NCAPD3: variants seen among roughly 807,000 people sequenced by gnomAD.
NCAPD3 encodes non-SMC condensin II complex subunit D3.
NCAPD3 carries 105 observed loss-of-function variants against 182.9 expected under a neutral mutation model. That is an observed-to-expected ratio of 0.57 (90% confidence interval 0.49 to 0.68). The LOEUF is 0.68. Ranked by LOEUF, NCAPD3 falls within the 30% of genes least tolerant of loss-of-function variation. The pLI is 0.00. For missense variants in NCAPD3, 1,944 were observed against 1,837.0 expected (o/e 1.06, Z -1.07); for synonymous variants, 815 against 679.9 (o/e 1.20, Z -3.09).
Position 134,153,303 on chromosome 11 carries a change from G to C in NCAPD3, c.4313C>G (p.Pro1438Arg). 6.2e-7 allele frequency: 1 copy of C among 1,614,162 alleles called. No individual in the cohort carries two copies. The stretch of plus-strand genomic sequence containing the variant: ...CAAGAACTTGCCTTTGGCTGACGAC[G>C]GAGTCCGTGGTGTCCCGATGTAACT... ...GVSYIGTPRT[P>R]SSAKEKIEGR... Residue 1438 changes from proline to arginine, a missense_variant, in exon 33 of 35, where the codon CCG becomes CGG. Physicochemically the swap from Pro to Arg is moderately radical, Grantham distance 103 (BLOSUM62 -2). This residue lies in a region of NCAPD3 where 1,803 missense variants were observed against 1,674.6 expected (regional missense o/e 1.08). Coordinates refer to ENST00000534548, the MANE Select transcript of NCAPD3 (RefSeq NM_015261.3).
At chr11:134,201,290 G>T (rs1310587586) in intron 13 of NCAPD3, among the ~76,000 whole-genome samples, 1 of 152,094 alleles carries the variant, frequency 6.6e-6, no homozygotes, top group Non-Finnish European at 1.5e-5. Context: ...CTCCCAATGT[G>T]CCAGGATTAC....
intron 1 of NCAPD3, chr11:134,223,202 C>A (rs958705604): frequency 9.1e-6 from 5 of 548,492 alleles, no homozygotes; most frequent in African/African-American, 7.6e-5. Flanking sequence ...AGTCGTTCTG[C>A]AAAAGTGTGG....
rs780113597 is a variant in NCAPD3, at chr11:134,209,366, G to C, written c.679C>G (p.Leu227Val). 1.9e-5 allele frequency: 31 copies of C among 1,613,996 alleles called. No individual in the cohort carries two copies. The South Asian group carries it at 3.0e-4, about 15-fold the overall frequency. Reference protein sequence around the residue: ...FHLLKNFLRLLPKFSLKEKPQ... With the variant: ...FHLLKNFLRLVPKFSLKEKPQ... ...TTTTCTTTCAAGGAAAACTTTGGCAGAAGCCTTAAAAAATTCTTTAAAAGG... is the reference window on the plus strand; with the variant it reads ...TTTTCTTTCAAGGAAAACTTTGGCACAAGCCTTAAAAAATTCTTTAAAAGG... The change falls in exon 5 of 35, where the codon CTG (leucine) becomes GTG (valine). Residue 227 changes from leucine (L) to valine (V), a missense_variant. Leu to Val is a conservative substitution (Grantham distance 32, BLOSUM62 1). Transcript: ENST00000534548.
chr11:134,172,840 G>GT (rs1944045649), intron 24 of NCAPD3, among the ~76,000 whole-genome samples: 1 of 152,048 alleles, frequency 6.6e-6, no homozygotes, highest in Non-Finnish European at 1.5e-5. Flanking sequence ...GAGCAGCATC[G>GT]TGAGAACCTA....
At chr11:134,186,496 A>T (rs1944407750) in intron 16 of NCAPD3, among the ~76,000 whole-genome samples, 2 of 152,196 alleles carry the variant, frequency 1.3e-5, no homozygotes, top group South Asian at 4.1e-4. Flanking sequence ...TATAGTTGTG[A>T]GCCACTGTGC....
chr11:134,184,835 ACACACAC>A, intron 18 of NCAPD3, 61 bp downstream of exon 18: 2 of 1,392,962 alleles, frequency 1.4e-6, no homozygotes, highest in Non-Finnish European at 2.0e-6. Context: ...ACACACACAC[ACACACAC>A]ACACACACCT....
At chr11:134,224,999 A>T (rs964991169), upstream of NCAPD3, 16 of 832,204 alleles carry the variant, frequency 1.9e-5, no homozygotes, top group African/African-American at 2.7e-4. Flanking sequence ...CGGCGGAGCC[A>T]GGCAGCCCCG....
At chr11:134,189,368 C>A (rs376632757) in intron 16 of NCAPD3, among the ~76,000 whole-genome samples, 2 of 152,194 alleles carry the variant, frequency 1.3e-5, no homozygotes, top group African/African-American at 4.8e-5. Flanking sequence ...TTAAATTGAA[C>A]CTTTAGCTCA....
chr11:134,174,332 A>G (rs1403652260), intron 24 of NCAPD3, among the ~76,000 whole-genome samples: 1 of 136,784 alleles, frequency 7.3e-6, no homozygotes, highest in Non-Finnish European at 1.5e-5. Context: ...GCAGGGAGCC[A>G]TGACTGTACC....
chr11:134,160,472 C>A (rs143145542), intron 28 of NCAPD3, among the ~76,000 whole-genome samples: 4 of 152,134 alleles, frequency 2.6e-5, no homozygotes, highest in African/African-American at 9.7e-5. Context: ...TCAGACACAG[C>A]CTCTGGAGCA....
At chr11:134,218,122 G>GGA (rs1491461013) in intron 2 of NCAPD3, among the ~76,000 whole-genome samples, 2 of 46,360 alleles carry the variant, frequency 4.3e-5, no homozygotes, top group African/African-American at 6.2e-5. Context: ...GGGGGGGGGG[G>GGA]AAGAAATCAT....
At position 134,210,549 on chromosome 11, in the gene NCAPD3, C is replaced by T. The variant is rs1446194134; in HGVS notation, c.383-95G>A. 8.3e-6 allele frequency: 9 copies of T among 1,083,272 alleles called. No individual in the cohort carries two copies. In the East Asian group the frequency reaches 2.2e-4, roughly 27 times the overall value. The allele number at this position is 1,083,272 out of a possible 1,614,324, so 67.1% of individuals were successfully genotyped here. A position where few individuals can be genotyped will look rare whatever the true frequency, so the allele number is the denominator to read the frequency against. ...GAAAAGTTACAAAGCAAAACACAGG[C>T]TTTTCATGACTGTGAATAACAATGA... On this transcript the variant is annotated intron_variant, in intron 3 of 34. Coordinates refer to ENST00000534548, the MANE Select transcript of NCAPD3 (RefSeq NM_015261.3).
intron 3 of NCAPD3, among the ~76,000 whole-genome samples, chr11:134,214,417 T>C (rs935578355): frequency 2.6e-5 from 4 of 152,194 alleles, no homozygotes; most frequent in Admixed American, 2.6e-4. Context: ...AAGCTGTACC[T>C]GGAGGGACAT....
At chr11:134,184,597 CAAA>C (rs1944359288) in intron 19 of NCAPD3, 37 bp downstream of exon 19, 2 of 1,419,286 alleles carry the variant, frequency 1.4e-6, no homozygotes, top group African/African-American at 2.9e-5. Flanking sequence ...ATCCTAAGCT[CAAA>C]GAAGTCAGAA....
rs973741227 is a variant in NCAPD3, at chr11:134,153,689, C to T, written c.4253-326G>A. 4 of 399,492 alleles carry T rather than the reference C, an allele frequency of 1.0e-5. No homozygotes were observed. The South Asian group carries it at 1.0e-4, about 10-fold the overall frequency. 24.7% of individuals were successfully genotyped at this position (399,492 alleles called of 1,614,324 possible). A position where few individuals can be genotyped will look rare whatever the true frequency, so the allele number is the denominator to read the frequency against. On this transcript the variant is annotated intron_variant, in intron 32 of 34. Coordinates refer to ENST00000534548, the MANE Select transcript of NCAPD3 (RefSeq NM_015261.3). ...GGTGACCGCCCTGTCCCACTTACTACACCTCCTACTGTGGCTCACCCAGAT... is the reference window on the plus strand; with the variant it reads ...GGTGACCGCCCTGTCCCACTTACTATACCTCCTACTGTGGCTCACCCAGAT...
At chr11:134,159,642 A>G (rs1363888468) in intron 29 of NCAPD3, among the ~76,000 whole-genome samples, 1 of 152,218 alleles carries the variant, frequency 6.6e-6, no homozygotes, top group Non-Finnish European at 1.5e-5. Flanking sequence ...CCTAGGATCT[A>G]TAGTCACCAG....
chr11:134,210,767 G>T (rs1286391286), intron 3 of NCAPD3, among the ~76,000 whole-genome samples: 1 of 152,116 alleles, frequency 6.6e-6, no homozygotes, highest in African/African-American at 2.4e-5. Context: ...GCATAAGAAG[G>T]GCAATCCCTG....
At chr11:134,159,752 CCAA>C in intron 29 of NCAPD3, 137 bp downstream of exon 29, 9 of 863,870 alleles carry the variant, frequency 1.0e-5, no homozygotes, top group South Asian at 1.8e-5. Context: ...GAGGGAGTGG[CCAA>C]CAAGCAGCAC....
At position 134,223,907 on chromosome 11, in the gene NCAPD3, A is replaced by C; in HGVS notation, c.20T>G (p.Leu7Arg). 6.2e-7 allele frequency: 1 copy of C among 1,612,702 alleles called. No homozygotes were observed. Among genetic ancestry groups the C allele is most frequent in the Non-Finnish European group, 8.5e-7 (1 of 1,179,826 alleles). The change falls in exon 1 of 35, where the codon CTT becomes CGT. Residue 7 changes from leucine to arginine, a missense_variant. Transcript: ENST00000534548. Reference protein sequence around the residue: MVALRGLGSGLQPWCPL... With the variant: MVALRGRGSGLQPWCPL... Reference sequence around the variant, plus strand: ...ACACCAGGGCTGCAGGCCGCTACCAAGGCCCCGCAACGCCACCATGATCCC... The same window carrying C: ...ACACCAGGGCTGCAGGCCGCTACCACGGCCCCGCAACGCCACCATGATCCC...
Sources: allele counts gnomAD v4.1 joint callset (sites outside exome capture counted in the v4.1 genomes callset), GRCh38; gene constraint gnomAD v4.1.1; regional missense constraint gnomAD v4.1.1; transcripts MANE v1.5; gene names NCBI Gene and HGNC (gene_info 2026-07-23, HGNC 2026-07-21).